The following KCNJ6 variants were observed in gnomAD, a reference collection of about 807,000 sequenced individuals.
The protein encoded by KCNJ6 is potassium inwardly rectifying channel subfamily J member 6, also known as G protein-activated inward rectifier potassium channel 2.
In KCNJ6, 9 loss-of-function variants were observed where a neutral mutation model predicts 34.2. That is an observed-to-expected ratio of 0.26 (90% confidence interval 0.16 to 0.46). KCNJ6 has a LOEUF of 0.46. Ranked by LOEUF, KCNJ6 falls within the 20% of genes least tolerant of loss-of-function variation. KCNJ6 has a pLI of 1.00. For synonymous variants in KCNJ6, 196 were observed against 207.1 expected, an observed-to-expected ratio of 0.95 and a Z score of 0.46; for missense variants, 236 against 531.3, an observed-to-expected ratio of 0.44 and a Z score of 5.46.
chr21:37,696,583 A>C (rs1007889800), intron 3 of KCNJ6, among the ~76,000 whole-genome samples: 1 of 152,196 alleles, frequency 6.6e-6, no homozygotes, highest in Non-Finnish European at 1.5e-5. Flanking sequence ...CATGACAACA[A>C]AGTACGACCT....
chr21:37,868,786 A>G (rs1025946104), intron 1 of KCNJ6, among the ~76,000 whole-genome samples: 2 of 152,212 alleles, frequency 1.3e-5, no homozygotes, highest in African/African-American at 4.8e-5. Context: ...ACGGGCAGGC[A>G]GGGCTGGGGT....
chr21:37,904,756 G>C (rs1005586862), intron 1 of KCNJ6, among the ~76,000 whole-genome samples: 6 of 152,162 alleles, frequency 3.9e-5, no homozygotes, highest in Non-Finnish European at 8.8e-5. Context: ...ACTAGGAGAT[G>C]AACATCAAGC....
intron 3 of KCNJ6, among the ~76,000 whole-genome samples, chr21:37,693,577 C>T (rs1391597046): frequency 2.6e-5 from 4 of 151,294 alleles, no homozygotes; most frequent in African/African-American, 7.3e-5. Context: ...TCCTCTCAGA[C>T]GAGAGTGGGC....
chr21:37,717,725 C>T (rs951774889), intron 2 of KCNJ6, among the ~76,000 whole-genome samples: 6 of 152,230 alleles, frequency 3.9e-5, no homozygotes, highest in African/African-American at 1.4e-4. Context: ...CCCGTCTTGA[C>T]CGCTGGGAGG....
At chr21:37,671,006 G>A (rs2054538816) in intron 3 of KCNJ6, among the ~76,000 whole-genome samples, 1 of 152,124 alleles carries the variant, frequency 6.6e-6, no homozygotes, top group South Asian at 2.1e-4. Context: ...AGTGTATTGT[G>A]ATATTGTGAA....
At chr21:37,911,681 A>G (rs933991695) in intron 1 of KCNJ6, among the ~76,000 whole-genome samples, 1 of 152,068 alleles carries the variant, frequency 6.6e-6, no homozygotes, top group Non-Finnish European at 1.5e-5. Flanking sequence ...GTCCATTTCC[A>G]TTTCCATATT....
At chr21:37,764,254 T>C (rs546321335) in intron 2 of KCNJ6, among the ~76,000 whole-genome samples, 1 of 152,018 alleles carries the variant, frequency 6.6e-6, no homozygotes, top group Admixed American at 6.6e-5. Context: ...CCTTCCAAAG[T>C]AATAAGCTGA....
At chr21:37,628,584 G>A (rs952669438) in intron 3 of KCNJ6, among the ~76,000 whole-genome samples, 22 of 152,146 alleles carry the variant, frequency 1.4e-4, no homozygotes, top group African/African-American at 4.8e-4. Context: ...AGGAGCTCCA[G>A]AAGGAGAGTA....
chr21:37,618,966 A>T lies in KCNJ6; in HGVS notation c.*6193T>A, dbSNP rs556775655. ...TGAACTTTGAGATTTGTTTCCTCCCACTTAGTTGTTTCCTCCCACTCTTCC... is the reference window on the plus strand; with the variant it reads ...TGAACTTTGAGATTTGTTTCCTCCCTCTTAGTTGTTTCCTCCCACTCTTCC... On this transcript the variant is annotated 3_prime_UTR_variant, in exon 4 of 4. Coordinates refer to ENST00000609713, the MANE Select transcript of KCNJ6 (RefSeq NM_002240.5). 1 of 152,180 alleles carries T rather than the reference A, an allele frequency of 6.6e-6. No individual in the cohort carries two copies. Among genetic ancestry groups the T allele is most frequent in the African/African-American group, 2.4e-5 (1 of 41,434 alleles). 9.4% of individuals were successfully genotyped at this position (152,180 alleles called of 1,614,324 possible). A position where few individuals can be genotyped will look rare whatever the true frequency, so the allele number is the denominator to read the frequency against.
chr21:37,687,164 T>G (rs1392545771), intron 3 of KCNJ6, among the ~76,000 whole-genome samples: 1 of 151,956 alleles, frequency 6.6e-6, no homozygotes, highest in Admixed American at 6.5e-5. Context: ...GACAGGCGCC[T>G]CTTAACCTGG....
At chr21:37,638,188 C>T (rs139380023) in intron 3 of KCNJ6, among the ~76,000 whole-genome samples, 2,259 of 152,238 alleles carry the variant, frequency 0.015, 55 homozygotes, top group African/African-American at 0.05. Flanking sequence ...GCTCTGTTGC[C>T]CAGGCTGAAG....
chr21:37,861,506 T>C (rs1010046530), intron 1 of KCNJ6, among the ~76,000 whole-genome samples: 2 of 152,192 alleles, frequency 1.3e-5, no homozygotes, highest in African/African-American at 4.8e-5. Context: ...TCTGAGGTAC[T>C]GGGGGTTAGG....
At chr21:37,642,902 C>A (rs1162315345) in intron 3 of KCNJ6, among the ~76,000 whole-genome samples, 1 of 152,142 alleles carries the variant, frequency 6.6e-6, no homozygotes, top group Non-Finnish European at 1.5e-5. Flanking sequence ...CCTGAGCATG[C>A]CCTCTGGTGA....
chr21:37,901,217 C>T (rs2055815355), intron 1 of KCNJ6, among the ~76,000 whole-genome samples: 1 of 152,148 alleles, frequency 6.6e-6, no homozygotes, highest in Non-Finnish European at 1.5e-5. Context: ...TCTGAATTAG[C>T]AATAAACACT....
At chr21:37,708,803 T>G (rs531335863) in intron 3 of KCNJ6, among the ~76,000 whole-genome samples, 2 of 152,164 alleles carry the variant, frequency 1.3e-5, no homozygotes, top group Non-Finnish European at 2.9e-5. Context: ...AAAATAAGAT[T>G]TGAAAAATGT....
chr21:37,824,319 T>C (rs1402782424), intron 2 of KCNJ6, among the ~76,000 whole-genome samples: 2 of 152,204 alleles, frequency 1.3e-5, no homozygotes, highest in Non-Finnish European at 1.5e-5. Flanking sequence ...CAAACACAAT[T>C]CTGAAGTAAA....
intron 2 of KCNJ6, among the ~76,000 whole-genome samples, chr21:37,810,954 G>A (rs775127711): frequency 6.6e-6 from 1 of 152,102 alleles, no homozygotes; most frequent in Admixed American, 6.5e-5. Context: ...GCAACTCTTG[G>A]TGGATTCCTG....
intron 3 of KCNJ6, among the ~76,000 whole-genome samples, chr21:37,673,873 G>A (rs887532348): frequency 1.3e-5 from 2 of 152,154 alleles, no homozygotes; most frequent in African/African-American, 2.4e-5. Context: ...GCTGCACATC[G>A]GAGACACCTG....
At chr21:37,838,018 C>T (rs1026402697) in intron 2 of KCNJ6, among the ~76,000 whole-genome samples, 1 of 152,194 alleles carries the variant, frequency 6.6e-6, no homozygotes, top group African/African-American at 2.4e-5. Flanking sequence ...TAAACTCGGA[C>T]ATTGGGTACG....
Sources: gnomAD v4.1 joint callset for allele counts (sites outside exome capture counted in the v4.1 genomes callset) on GRCh38, gnomAD v4.1.1 for gene constraint, MANE v1.5 for transcripts, NCBI Gene and HGNC (gene_info 2026-07-23, HGNC 2026-07-21) for gene names.